The following GGTLC1 variants were observed in gnomAD, a reference collection of about 807,000 sequenced individuals.
GGTLC1 encodes gamma-glutamyltransferase light chain 1.
In GGTLC1, 14 loss-of-function variants were observed where a neutral mutation model predicts 19.5. The observed-to-expected ratio is 0.72, with a 90% confidence interval of 0.47 to 1.12. GGTLC1 has a LOEUF of 1.12. Among genes scored for constraint, GGTLC1 ranks in the 50% most tolerant of loss-of-function variants. The pLI is 0.00. For missense variants in GGTLC1, 304 were observed against 309.2 expected, an observed-to-expected ratio of 0.98 and a Z score of 0.13; for synonymous variants, 110 against 124.2, an observed-to-expected ratio of 0.89 and a Z score of 0.76.
chr20:23,986,046 G>A, intron 3 of GGTLC1, 30 bp downstream of exon 3: 1 of 1,223,706 alleles, frequency 8.2e-7, no homozygotes, highest in Non-Finnish European at 1.2e-6. Context: ...CTCCACCCCA[G>A]TCCCCCACCC....
At chr20:23,987,923 C>G (rs141927461) in intron 1 of GGTLC1, among the ~76,000 whole-genome samples, 5,379 of 133,934 alleles carry the variant, frequency 0.04, 163 homozygotes, top group East Asian at 0.18. Context: ...GTGGCGGGCG[C>G]CTGTAGTCCC....
intron 1 of GGTLC1, chr20:23,986,986 A>C: frequency 2.1e-6 from 1 of 470,666 alleles, no homozygotes; most frequent in Non-Finnish European, 3.6e-6. Context: ...AAGAAAAACA[A>C]ACACACACAG....
chr20:23,985,068 G>C lies in GGTLC1; in HGVS notation c.*148C>G. The C allele has an allele frequency of 8.4e-7, 1 of 1,190,588 alleles. No homozygotes were observed. Among genetic ancestry groups the C allele is most frequent in the Non-Finnish European group, 1.2e-6 (1 of 832,740 alleles). 73.8% of individuals were successfully genotyped at this position (1,190,588 alleles called of 1,614,324 possible). A position where few individuals can be genotyped will look rare whatever the true frequency, so the allele number is the denominator to read the frequency against. ...GCCCAGAGAGTGGGGAGACAGGCCA[G>C]GGAGGCCACCTGGAGCCTGGCACAG... On this transcript the variant is annotated 3_prime_UTR_variant, in exon 6 of 6. Transcript: ENST00000335694.
At chr20:23,986,348 T>C in intron 2 of GGTLC1, 88 bp downstream of exon 2, 2 of 1,598,024 alleles carry the variant, frequency 1.3e-6, no homozygotes, top group Admixed American at 3.5e-5. Context: ...GGAAAAGAGG[T>C]GATGGAGCCA....
At chr20:23,985,450 G>A in intron 5 of GGTLC1, 88 bp from the exon 6 acceptor site, 1 of 1,609,360 alleles carries the variant, frequency 6.2e-7, no homozygotes, top group South Asian at 1.1e-5. Flanking sequence ...CAGCCCAGGT[G>A]GTGCCATTTC....
At chr20:23,987,504 G>T (rs1230452741) in intron 1 of GGTLC1, among the ~76,000 whole-genome samples, 3 of 152,176 alleles carry the variant, frequency 2.0e-5, no homozygotes, top group African/African-American at 7.2e-5. Flanking sequence ...CTTGATTTTG[G>T]ATACTTCATC....
chr20:23,988,714 G>C lies in GGTLC1; in HGVS notation c.-140C>G, dbSNP rs1988101917. ...AAAGGCGCGTTGCCCGGCAGCAGAA[G>C]AAACTGCTGGCTTCGCCTTTGGCCG... On this transcript the variant is annotated 5_prime_UTR_variant, in exon 1 of 6. Coordinates refer to ENST00000335694, the MANE Select transcript of GGTLC1 (RefSeq NM_178311.3). 4.0e-6 allele frequency: 1 copy of C among 251,004 alleles called. No homozygotes were observed. The highest frequency in any genetic ancestry group is 2.3e-5 in the African/African-American group (1 of 44,220). The allele number at this position is 251,004 out of a possible 1,614,324, so 15.5% of individuals were successfully genotyped here.
intron 1 of GGTLC1, among the ~76,000 whole-genome samples, chr20:23,987,094 A>G (rs898674590): frequency 5.3e-5 from 8 of 152,314 alleles, no homozygotes; most frequent in African/African-American, 1.9e-4. Context: ...GCAATGTGTG[A>G]AAAGAGCCTG....
In GGTLC1 at chr20:23,988,254, G is replaced by A. The variant is rs184187292; in HGVS notation, c.-35+355C>T. Among the ~76,000 whole-genome samples, 167 of 151,430 alleles carry A rather than the reference G, an allele frequency of 1.1e-3. 2 individuals carry two copies. Among genetic ancestry groups the A allele is most frequent in the African/African-American group, 3.9e-3 (159 of 41,278 alleles). On this transcript the variant is annotated intron_variant, in intron 1 of 5. Transcript: ENST00000335694. ...CTAGAGACGGGGTTTCGCTATGTTGGCCAGGCTGGTCTCCAACTCCTGAGC... is the reference window on the plus strand; with the variant it reads ...CTAGAGACGGGGTTTCGCTATGTTGACCAGGCTGGTCTCCAACTCCTGAGC...
rs971037406 is a variant in GGTLC1 at position 23,988,727 on chromosome 20, T to C, written c.-153A>G. ...CCGGCAGCAGAAGAAACTGCTGGCT[T>C]CGCCTTTGGCCGAGTTGGCGGCTGG... is the stretch of plus-strand genomic sequence containing the variant. On this transcript the variant is annotated 5_prime_UTR_variant, in exon 1 of 6. Transcript: ENST00000335694. The C allele has an allele frequency of 8.1e-6, 2 of 245,888 alleles. No individual in the cohort carries two copies. Among genetic ancestry groups the C allele is most frequent in the African/African-American group, 4.5e-5 (2 of 44,066 alleles). 15.2% of individuals were successfully genotyped at this position (245,888 alleles called of 1,614,324 possible). A position where few individuals can be genotyped will look rare whatever the true frequency, so the allele number is the denominator to read the frequency against.
intron 1 of GGTLC1, among the ~76,000 whole-genome samples, chr20:23,987,347 G>A (rs1987991457): frequency 6.6e-6 from 1 of 152,182 alleles, no homozygotes; most frequent in South Asian, 2.1e-4. Context: ...AGCTATGACG[G>A]GGATAAGGAT....
chr20:23,986,906 A>G, intron 1 of GGTLC1: 1 of 1,176,760 alleles, frequency 8.5e-7, no homozygotes, highest in South Asian at 1.6e-5. Flanking sequence ...AAATATTTCT[A>G]GAGTTTGCAC....
Position 23,986,653 on chromosome 20 carries a change from G to A in GGTLC1, c.-34-8C>T. ...CGAGACCCCAGAGCTGGCCTAGGGA[G>A]GTGGGGAGGGAGGGTGGGGAGGGGG... On this transcript the variant is annotated splice_region_variant and splice_polypyrimidine_tract_variant and intron_variant, in intron 1 of 5. Coordinates refer to ENST00000335694, the MANE Select transcript of GGTLC1 (RefSeq NM_178311.3). 6.2e-7 allele frequency: 1 copy of A among 1,605,226 alleles called. No homozygotes were observed. The highest frequency in any genetic ancestry group is 8.5e-7 in the Non-Finnish European group (1 of 1,175,166).
At chr20:23,986,383 C>T (rs1307334653) in intron 2 of GGTLC1, 53 bp downstream of exon 2, 34 of 1,604,302 alleles carry the variant, frequency 2.1e-5, no homozygotes, top group Non-Finnish European at 2.5e-5. Flanking sequence ...TGGGCAGTCC[C>T]TGAGCCACCC....
chr20:23,987,546 AAAAT>A (rs1049897199), intron 1 of GGTLC1, among the ~76,000 whole-genome samples: 66 of 152,140 alleles, frequency 4.3e-4, no homozygotes, highest in African/African-American at 1.3e-3. Context: ...ACGTATAAAA[AAAAT>A]AAATAAATAA....
chr20:23,985,959 G>A lies in GGTLC1; in HGVS notation c.320C>T (p.Ser107Leu), dbSNP rs578143978. 2.4e-5 allele frequency: 39 copies of A among 1,611,942 alleles called. No homozygotes were observed. The highest frequency in any genetic ancestry group is 4.5e-5 in the East Asian group (2 of 44,866). Residue 107 changes from serine (S) to leucine (L), a missense_variant, in exon 4 of 6, where the codon TCG becomes TTG. Ser to Leu is a moderately radical substitution (Grantham distance 145, BLOSUM62 -2). Coordinates refer to ENST00000335694, the MANE Select transcript of GGTLC1 (RefSeq NM_178311.3). ...NFIQPGKQPL[S>L]SMCPTIMVGQ... ...CACCATGATCGTCGGGCACATGGAC[G>A]AGAGCGGCTGCTTCCCTGCGGCCAA...
Position 23,985,365 on chromosome 20 carries a change from G to T in GGTLC1, c.532-3C>A, listed in dbSNP as rs1303544635. 6.2e-7 allele frequency: 1 copy of T among 1,611,676 alleles called. No individual in the cohort carries two copies. ...GTCTCCAGGGCTGCAGTCACTTCCT[G>T]GGGGTGGGAGGAGAGGGGAAGCCTG... On this transcript the variant is annotated splice_region_variant and splice_polypyrimidine_tract_variant and intron_variant, in intron 5 of 5. Coordinates refer to ENST00000335694, the MANE Select transcript of GGTLC1 (RefSeq NM_178311.3).
rs1222944976 is a variant in GGTLC1, at chr20:23,988,710, A to G, written c.-136T>C. On this transcript the variant is annotated 5_prime_UTR_variant, in exon 1 of 6. Transcript: ENST00000335694. ...TTTAAAAGGCGCGTTGCCCGGCAGC[A>G]GAAGAAACTGCTGGCTTCGCCTTTG... 4.7e-5 allele frequency: 12 copies of G among 254,006 alleles called. No individual in the cohort carries two copies. Among genetic ancestry groups the G allele is most frequent in the African/African-American group, 2.7e-4 (12 of 44,322 alleles). The allele number at this position is 254,006 out of a possible 1,614,324, so 15.7% of individuals were successfully genotyped here.
intron 1 of GGTLC1, among the ~76,000 whole-genome samples, 195 bp downstream of exon 1, chr20:23,988,414 C>T (rs2424606): frequency 0.81 from 121,955 of 151,184 alleles, 50,144 homozygotes; most frequent in Non-Finnish European, 0.89. Context: ...AGTGCAATGG[C>T]GCGATCTCAG....
Sources: allele counts gnomAD v4.1 joint callset (sites outside exome capture counted in the v4.1 genomes callset), GRCh38; gene constraint gnomAD v4.1.1; transcripts MANE v1.5; gene names NCBI Gene and HGNC (gene_info 2026-07-23, HGNC 2026-07-21).